Variants in SAMD3 observed in about 807,000 individuals in gnomAD.
SAMD3 encodes the protein sterile alpha motif domain-containing protein 3.
A neutral mutation model predicts 58.5 loss-of-function variants in SAMD3; 63 were observed. The observed-to-expected ratio is 1.08, with a 90% confidence interval of 0.88 to 1.33. The LOEUF is 1.33. Among genes scored for constraint, SAMD3 ranks in the 40% most tolerant of loss-of-function variants. The pLI, the probability that SAMD3 is intolerant of heterozygous loss-of-function variation, is 0.00. For missense variants in SAMD3, 604 were observed against 608.4 expected, an observed-to-expected ratio of 0.99 and a Z score of 0.08; for synonymous variants, 220 against 210.3, an observed-to-expected ratio of 1.05 and a Z score of -0.40.
intron 7 of SAMD3, 103 bp from the exon 8 acceptor site, chr6:130,176,111 T>G: frequency 1.1e-6 from 1 of 901,016 alleles, no homozygotes; most frequent in Non-Finnish European, 1.8e-6. Context: ...TCTTTGGGCT[T>G]GAAATTATTT....
chr6:130,340,188 A>G (rs1777226368), intron 1 of SAMD3, among the ~76,000 whole-genome samples: 2 of 152,204 alleles, frequency 1.3e-5, no homozygotes, highest in African/African-American at 4.8e-5. Context: ...AGCAATGCAA[A>G]TTTGTTTCAT....
At chr6:130,348,114 T>G (rs1040827467) in intron 1 of SAMD3, among the ~76,000 whole-genome samples, 1 of 152,150 alleles carries the variant, frequency 6.6e-6, no homozygotes, top group African/African-American at 2.4e-5. Context: ...TACCAGCCAC[T>G]GCAAAAACAT....
In SAMD3 at chr6:130,209,617, G is replaced by A; in HGVS notation, c.270-9C>T. 5 of 1,557,724 alleles carry A rather than the reference G, an allele frequency of 3.2e-6. No homozygotes were observed. Among genetic ancestry groups the A allele is most frequent in the Non-Finnish European group, 4.4e-6 (5 of 1,129,072 alleles). ...ACTCTTCATCCCTGTAACTAAGAAA[G>A]AAGAGGTGGGTCAGGCACTATTCAA... is the stretch of plus-strand genomic sequence containing the variant. On this transcript the variant is annotated splice_polypyrimidine_tract_variant and intron_variant, in intron 4 of 11. Transcript: ENST00000439090.
intron 2 of SAMD3, among the ~76,000 whole-genome samples, chr6:130,285,388 A>C (rs937524168): frequency 6.6e-6 from 1 of 152,232 alleles, no homozygotes; most frequent in African/African-American, 2.4e-5. Flanking sequence ...AGCAAATAAA[A>C]TCCAGAAAAG....
intron 2 of SAMD3, among the ~76,000 whole-genome samples, chr6:130,230,210 T>G (rs1025616512): frequency 4.5e-4 from 69 of 152,144 alleles, no homozygotes; most frequent in Non-Finnish European, 1.5e-5. Flanking sequence ...TGGAACTCTT[T>G]GCACCTCGAG....
At chr6:130,176,079 C>G in intron 7 of SAMD3, 71 bp from the exon 8 acceptor site, 1 of 1,176,862 alleles carries the variant, frequency 8.5e-7, no homozygotes, top group Non-Finnish European at 1.3e-6. Context: ...TACGTCTATA[C>G]AACAACAATA....
chr6:130,170,492 T>A (rs1425583751), intron 8 of SAMD3, among the ~76,000 whole-genome samples: 1 of 152,256 alleles, frequency 6.6e-6, no homozygotes, highest in African/African-American at 2.4e-5. Context: ...TTGTAAATAC[T>A]GGTAGCTTGA....
At chr6:130,311,109 C>T (rs1452604830) in intron 2 of SAMD3, among the ~76,000 whole-genome samples, 2 of 152,112 alleles carry the variant, frequency 1.3e-5, no homozygotes, top group African/African-American at 4.8e-5. Context: ...CACCACCTCA[C>T]CTCCTCCCGT....
chr6:130,318,777 C>T (rs1262566768), intron 1 of SAMD3, among the ~76,000 whole-genome samples: 3 of 151,940 alleles, frequency 2.0e-5, no homozygotes, highest in East Asian at 3.9e-4. Context: ...AAAACAGGGC[C>T]CACAAGCTGG....
chr6:130,343,966 A>AAAAT (rs1562532047), intron 1 of SAMD3, among the ~76,000 whole-genome samples: 1 of 145,700 alleles, frequency 6.9e-6, no homozygotes, highest in African/African-American at 2.6e-5. Context: ...CTCTGTCTTA[A>AAAAT]AAACAAACAA....
intron 7 of SAMD3, among the ~76,000 whole-genome samples, chr6:130,179,376 G>A (rs1792047790): frequency 6.6e-6 from 1 of 152,156 alleles, no homozygotes; most frequent in African/African-American, 2.4e-5. Flanking sequence ...TAGAGAGGGT[G>A]TAGAAAGTTC....
At chr6:130,166,780 C>T (rs745568828) in intron 8 of SAMD3, among the ~76,000 whole-genome samples, 34 of 152,142 alleles carry the variant, frequency 2.2e-4, no homozygotes, top group Non-Finnish European at 3.5e-4. Context: ...AAGAGATGCC[C>T]AGACTCAGTA....
intron 8 of SAMD3, among the ~76,000 whole-genome samples, chr6:130,157,987 C>A (rs902499030): frequency 2.0e-5 from 3 of 150,648 alleles, no homozygotes; most frequent in African/African-American, 4.9e-5. Context: ...TTATAAGATA[C>A]CTAGGAATAA....
At chr6:130,276,166 T>G (rs773808877) in intron 2 of SAMD3, among the ~76,000 whole-genome samples, 4 of 152,078 alleles carry the variant, frequency 2.6e-5, no homozygotes, top group African/African-American at 4.8e-5. Context: ...AAAGAAAGTA[T>G]GTGGCCTTTA....
At chr6:130,293,878 GAAGT>G (rs1261175205) in intron 2 of SAMD3, among the ~76,000 whole-genome samples, 3 of 152,014 alleles carry the variant, frequency 2.0e-5, no homozygotes, top group African/African-American at 7.2e-5. Flanking sequence ...TGATGTTGCG[GAAGT>G]CTTATGCTAT....
chr6:130,348,235 C>G (rs969903786), intron 1 of SAMD3, among the ~76,000 whole-genome samples: 5 of 151,296 alleles, frequency 3.3e-5, no homozygotes, highest in Non-Finnish European at 7.4e-5. Context: ...CAATATTAAC[C>G]TTAAATGTAA....
At chr6:130,319,391 C>A (rs1159896421) in intron 1 of SAMD3, among the ~76,000 whole-genome samples, 1 of 151,832 alleles carries the variant, frequency 6.6e-6, no homozygotes, top group Non-Finnish European at 1.5e-5. Flanking sequence ...AATTTAAAAG[C>A]CCGAAGCGAA....
At chr6:130,210,776 T>C (rs1795472067) in intron 4 of SAMD3, among the ~76,000 whole-genome samples, 1 of 151,872 alleles carries the variant, frequency 6.6e-6, no homozygotes, top group African/African-American at 2.4e-5. Context: ...CTTTTAGAAT[T>C]GAGGAAAAGG....
intron 5 of SAMD3, among the ~76,000 whole-genome samples, chr6:130,202,146 T>A (rs1794702283): frequency 6.6e-6 from 1 of 152,222 alleles, no homozygotes. Flanking sequence ...CACAGATATC[T>A]TCCCCTGACA....
Sources: allele counts gnomAD v4.1 joint callset (sites outside exome capture counted in the v4.1 genomes callset), GRCh38; gene constraint gnomAD v4.1.1; transcripts MANE v1.5; gene names NCBI Gene and HGNC (gene_info 2026-07-23, HGNC 2026-07-21).